Variants in THADA observed in about 807,000 individuals in gnomAD.
THADA encodes the protein tRNA (32-2'-O)-methyltransferase regulator THADA.
In THADA, 213 loss-of-function variants were observed where a neutral mutation model predicts 219.8. That is an observed-to-expected ratio of 0.97 (90% CI 0.87 to 1.09). THADA has a LOEUF of 1.09. Ranked by LOEUF, THADA falls within the 50% of genes least tolerant of loss-of-function variation. The pLI is 0.00. For synonymous variants in THADA, 1,018 were observed against 828.9 expected, an observed-to-expected ratio of 1.23 and a Z score of -3.92; for missense variants, 2,956 against 2,311.3, an observed-to-expected ratio of 1.28 and a Z score of -5.72.
chr2:43,231,378 C>CAGGG lies in THADA; in HGVS notation c.5467-39_5467-36dup, dbSNP rs1342701219. ...ATGAAAAAGCCGAAAGTCAGTCTTA[C>CAGGG]AGGGAATGGTGACAAGCCCCAGTCC... On this transcript the variant is annotated intron_variant, in intron 37 of 37. Transcript: ENST00000405975. The CAGGG allele has an allele frequency of 6.8e-6, 10 of 1,480,298 alleles. No individual in the cohort carries two copies. In the Admixed American group the frequency reaches 1.6e-4, roughly 23 times the overall value. 91.7% of individuals were successfully genotyped at this position (1,480,298 alleles called of 1,614,324 possible).
At chr2:43,501,650 C>T (rs1225880577) in intron 24 of THADA, among the ~76,000 whole-genome samples, 1 of 151,934 alleles carries the variant, frequency 6.6e-6, no homozygotes, top group Non-Finnish European at 1.5e-5. Context: ...AATAATTAAA[C>T]TAGTGGTTTT....
intron 36 of THADA, among the ~76,000 whole-genome samples, chr2:43,246,977 G>A (rs1669223792): frequency 6.6e-6 from 1 of 152,242 alleles, no homozygotes; most frequent in Non-Finnish European, 1.5e-5. Flanking sequence ...TCAGAGTTTA[G>A]AGGGCAGCAA....
At chr2:43,467,201 A>T (rs1212111156) in intron 26 of THADA, among the ~76,000 whole-genome samples, 1 of 151,148 alleles carries the variant, frequency 6.6e-6, no homozygotes, top group East Asian at 1.9e-4. Flanking sequence ...AAAAAAAAAA[A>T]AAAAACACCA....
At chr2:43,526,636 A>G (rs1279463131) in intron 22 of THADA, among the ~76,000 whole-genome samples, 1 of 152,200 alleles carries the variant, frequency 6.6e-6, no homozygotes, top group Non-Finnish European at 1.5e-5. Context: ...CCAGGCTGGT[A>G]ATCAGTCCAC....
intron 29 of THADA, among the ~76,000 whole-genome samples, chr2:43,375,049 A>T (rs1418940535): frequency 6.8e-6 from 1 of 146,572 alleles, no homozygotes; most frequent in Non-Finnish European, 1.5e-5. Flanking sequence ...GACCAAAAAG[A>T]AAAAAAAAAC....
chr2:43,248,373 G>C (rs1331726591), intron 36 of THADA, among the ~76,000 whole-genome samples: 1 of 151,730 alleles, frequency 6.6e-6, no homozygotes, highest in Non-Finnish European at 1.5e-5. Flanking sequence ...GGGATTACAG[G>C]CGTGCACCAC....
chr2:43,264,917 T>C (rs1671351479), intron 36 of THADA, among the ~76,000 whole-genome samples: 1 of 152,192 alleles, frequency 6.6e-6, no homozygotes, highest in African/African-American at 2.4e-5. Flanking sequence ...GCTGGCACTG[T>C]TTTTCCCTAA....
At chr2:43,351,969 A>G (rs1016209747) in intron 29 of THADA, among the ~76,000 whole-genome samples, 4 of 152,266 alleles carry the variant, frequency 2.6e-5, no homozygotes, top group Non-Finnish European at 5.9e-5. Flanking sequence ...GGTGTCAGAT[A>G]GTCAACCTTA....
chr2:43,546,438 T>A (rs1224936287), intron 20 of THADA, among the ~76,000 whole-genome samples: 1 of 152,210 alleles, frequency 6.6e-6, no homozygotes, highest in African/African-American at 2.4e-5. Context: ...TAACTTTCTG[T>A]CTCGTTGATC....
At chr2:43,248,160 T>TAGAGAGAGAGAGAGAGAGAGAGAG (rs1669399676) in intron 36 of THADA, among the ~76,000 whole-genome samples, 1 of 52,794 alleles carries the variant, frequency 1.9e-5, no homozygotes, top group Non-Finnish European at 3.3e-5. Context: ...TATATATATA[T>TAGAGAGAGAGAGAGAGAGAGAGAG]ATATAGAGAG....
chr2:43,278,934 C>G (rs984830619), intron 36 of THADA, among the ~76,000 whole-genome samples: 2 of 152,222 alleles, frequency 1.3e-5, no homozygotes, highest in Non-Finnish European at 2.9e-5. Context: ...AAACAGTGTT[C>G]TTGCTTCTCA....
At chr2:43,595,015 A>C (rs751472437) in intron 1 of THADA, among the ~76,000 whole-genome samples, 10 of 152,244 alleles carry the variant, frequency 6.6e-5, no homozygotes, top group Non-Finnish European at 1.2e-4. Context: ...GAAGGCAGCA[A>C]CTTTAATCTA....
Position 43,586,697 on chromosome 2 carries a change from CTTACCA to C in THADA, c.483_484+4del. On this transcript the variant is annotated splice_donor_variant and splice_donor_region_variant and coding_sequence_variant and intron_variant, in exon 6 of 38. Coordinates refer to ENST00000405975, the MANE Select transcript of THADA (RefSeq NM_022065.5). LOFTEE classifies it high-confidence loss of function. ...CATGGAACAAAATAAAATAATAGGA[CTTACCA>C]TTTTTAAGCAGATTATTAACACTTG... The C allele has an allele frequency of 6.2e-7, 1 of 1,610,550 alleles. No individual in the cohort carries two copies. The highest frequency in any genetic ancestry group is 1.1e-5 in the South Asian group (1 of 90,068).
At chr2:43,489,506 T>C (rs529572207) in intron 25 of THADA, among the ~76,000 whole-genome samples, 5 of 152,290 alleles carry the variant, frequency 3.3e-5, no homozygotes, top group African/African-American at 7.2e-5. Flanking sequence ...ACAAGTTTTA[T>C]AGTTTTAGCT....
chr2:43,459,672 A>G (rs1683402803), intron 26 of THADA, among the ~76,000 whole-genome samples: 1 of 152,208 alleles, frequency 6.6e-6, no homozygotes, highest in African/African-American at 2.4e-5. Context: ...GAATAAATAC[A>G]CACATGTTAA....
chr2:43,495,533 C>T (rs1037823722), intron 25 of THADA, among the ~76,000 whole-genome samples: 2 of 151,864 alleles, frequency 1.3e-5, no homozygotes, highest in Admixed American at 6.6e-5. Context: ...TAACAGGTGA[C>T]TTTTACTGTT....
At chr2:43,440,565 A>T (rs1680725150) in intron 26 of THADA, among the ~76,000 whole-genome samples, 1 of 152,168 alleles carries the variant, frequency 6.6e-6, no homozygotes, top group African/African-American at 2.4e-5. Flanking sequence ...TTGGCTTTTG[A>T]TTCTGTGAAG....
chr2:43,376,865 C>T (rs1424810553), intron 29 of THADA, among the ~76,000 whole-genome samples: 2 of 152,118 alleles, frequency 1.3e-5, no homozygotes, highest in African/African-American at 4.8e-5. Flanking sequence ...TCATATGCAG[C>T]CAACATTTCA....
intron 28 of THADA, among the ~76,000 whole-genome samples, chr2:43,402,865 G>A (rs115712370): frequency 0.018 from 2,813 of 152,278 alleles, 48 homozygotes; most frequent in African/African-American, 0.046. Flanking sequence ...GGGGAGAGGC[G>A]GCGGAGAGGC....
Sources: allele counts gnomAD v4.1 joint callset (sites outside exome capture counted in the v4.1 genomes callset), GRCh38; gene constraint gnomAD v4.1.1; transcripts MANE v1.5; gene names NCBI Gene and HGNC (gene_info 2026-07-23, HGNC 2026-07-21).